KCMF1: variants seen among roughly 807,000 people sequenced by gnomAD.
The protein encoded by KCMF1 is E3 ubiquitin-protein ligase KCMF1.
KCMF1 carries 3 observed loss-of-function variants against 41.1 expected under a neutral mutation model. That is an observed-to-expected ratio of 0.07 (90% CI 0.03 to 0.19). KCMF1 has a LOEUF of 0.19. Ranked by LOEUF, KCMF1 falls within the 10% of genes least tolerant of loss-of-function variation. The pLI is 1.00. For missense variants in KCMF1, 286 were observed against 488.9 expected (o/e 0.58, Z 3.91); for synonymous variants, 142 against 164.5 (o/e 0.86, Z 1.04).
At chr2:84,986,266 TG>T (rs1338666480) in intron 1 of KCMF1, among the ~76,000 whole-genome samples, 1 of 152,164 alleles carries the variant, frequency 6.6e-6, no homozygotes, top group East Asian at 1.9e-4. Flanking sequence ...AAATAACCCT[TG>T]TATGACTGGG....
chr2:85,008,245 ATGATATATAT>A (rs1256200875), intron 1 of KCMF1, among the ~76,000 whole-genome samples: 1,267 of 115,032 alleles, frequency 0.011, 21 homozygotes, highest in African/African-American at 0.038. Flanking sequence ...TATATTATAT[ATGATATATAT>A]TATATATCAT....
chr2:84,972,421 T>C (rs1361291722), intron 1 of KCMF1, among the ~76,000 whole-genome samples: 1 of 152,244 alleles, frequency 6.6e-6, no homozygotes, highest in Non-Finnish European at 1.5e-5. Context: ...CTTTAATTTA[T>C]TGCCATATGG....
At chr2:84,972,789 G>A (rs1255098952) in intron 1 of KCMF1, among the ~76,000 whole-genome samples, 1 of 152,152 alleles carries the variant, frequency 6.6e-6, no homozygotes, top group Non-Finnish European at 1.5e-5. Flanking sequence ...AACATTCTGT[G>A]TTCAACGATT....
At chr2:84,975,573 C>G (rs1673524299) in intron 1 of KCMF1, among the ~76,000 whole-genome samples, 1 of 152,166 alleles carries the variant, frequency 6.6e-6, no homozygotes, top group Non-Finnish European at 1.5e-5. Context: ...TAATACTTTT[C>G]CAGTGAGAAT....
Position 85,058,231 on chromosome 2 carries a change from A to T in KCMF1, c.*4822A>T, listed in dbSNP as rs539460957. The stretch of plus-strand genomic sequence containing the variant: ...AACCCCATCTCTACTAAAAATACGA[A>T]AATTAGCTGGGCTTGGTGGCAGATG... On this transcript the variant is annotated 3_prime_UTR_variant, in exon 7 of 7. Transcript: ENST00000409785. 6.6e-6 allele frequency: 1 copy of T among 152,278 alleles called. No individual in the cohort carries two copies. The highest frequency in any genetic ancestry group is 2.4e-5 in the African/African-American group (1 of 41,538). The allele number at this position is 152,278 out of a possible 1,614,324, so 9.4% of individuals were successfully genotyped here.
At chr2:85,047,573 G>A (rs1309202655) in intron 5 of KCMF1, among the ~76,000 whole-genome samples, 1 of 145,908 alleles carries the variant, frequency 6.9e-6, no homozygotes, top group Non-Finnish European at 1.5e-5. Context: ...AAAGGTACAT[G>A]TTTAATAGCT....
intron 1 of KCMF1, among the ~76,000 whole-genome samples, chr2:85,019,923 T>C (rs1255443765): frequency 6.6e-6 from 1 of 151,948 alleles, no homozygotes; most frequent in Non-Finnish European, 1.5e-5. Flanking sequence ...ATTACAGAAA[T>C]GATTTTATCA....
At position 85,054,419 on chromosome 2, in the gene KCMF1, T is replaced by C. The variant is rs1218471639; in HGVS notation, c.*1010T>C. 3 of 152,214 alleles carry C rather than the reference T, an allele frequency of 2.0e-5. No homozygotes were observed. The highest frequency in any genetic ancestry group is 7.2e-5 in the African/African-American group (3 of 41,458). 9.4% of individuals were successfully genotyped at this position (152,214 alleles called of 1,614,324 possible). A position where few individuals can be genotyped will look rare whatever the true frequency, so the allele number is the denominator to read the frequency against. On this transcript the variant is annotated 3_prime_UTR_variant, in exon 7 of 7. Coordinates refer to ENST00000409785, the MANE Select transcript of KCMF1 (RefSeq NM_020122.5). ...TTGAGGATTTGCCTTCCCAGATTTGTCAGTATATTACAACCAAATTCTTAA... is the reference window on the plus strand; with the variant it reads ...TTGAGGATTTGCCTTCCCAGATTTGCCAGTATATTACAACCAAATTCTTAA...
intron 5 of KCMF1, among the ~76,000 whole-genome samples, chr2:85,047,587 G>GA (rs1451134062): frequency 7.0e-6 from 1 of 143,838 alleles, no homozygotes; most frequent in East Asian, 2.1e-4. Context: ...AATAGCTTGG[G>GA]AAAAATCTTA....
chr2:84,984,574 A>G (rs2103969966), intron 1 of KCMF1, among the ~76,000 whole-genome samples: 1 of 152,214 alleles, frequency 6.6e-6, no homozygotes, highest in African/African-American at 2.4e-5. Flanking sequence ...TAATCCCAGC[A>G]CTTTGGGAGG....
intron 1 of KCMF1, among the ~76,000 whole-genome samples, chr2:85,025,896 A>G (rs1368333625): frequency 6.6e-6 from 1 of 152,126 alleles, no homozygotes; most frequent in Non-Finnish European, 1.5e-5. Context: ...TACTGCTTCT[A>G]ATAACTTAGC....
intron 1 of KCMF1, among the ~76,000 whole-genome samples, chr2:85,018,244 A>G (rs1190076821): frequency 2.0e-5 from 3 of 149,576 alleles, no homozygotes; most frequent in Non-Finnish European, 4.4e-5. Flanking sequence ...GAACTTCTTT[A>G]TGACACAGTA....
intron 1 of KCMF1, among the ~76,000 whole-genome samples, chr2:84,981,221 A>G (rs1169417958): frequency 4.7e-5 from 7 of 147,572 alleles, no homozygotes; most frequent in South Asian, 4.3e-4. Context: ...ACAGAGTCTC[A>G]CTCTGTTGCC....
At chr2:84,980,502 C>T (rs981901967) in intron 1 of KCMF1, among the ~76,000 whole-genome samples, 7 of 152,234 alleles carry the variant, frequency 4.6e-5, no homozygotes, top group African/African-American at 1.7e-4. Context: ...CTCTCTGCTA[C>T]ATCCCTGATG....
intron 2 of KCMF1, among the ~76,000 whole-genome samples, chr2:85,030,933 A>G (rs570677214): frequency 6.6e-6 from 1 of 152,270 alleles, no homozygotes; most frequent in South Asian, 2.1e-4. Flanking sequence ...CTGAGCTCAA[A>G]GTGATCTGCC....
intron 1 of KCMF1, among the ~76,000 whole-genome samples, chr2:84,976,203 C>CTT (rs1559123467): frequency 6.7e-6 from 1 of 149,174 alleles, no homozygotes. Context: ...CTTCTTAACT[C>CTT]CTTTTTTTTT....
rs773727441 is a variant in KCMF1 at position 85,053,402 on chromosome 2, C to T, written c.1139C>T (p.Pro380Leu). The T allele has an allele frequency of 1.0e-4, 164 of 1,611,362 alleles. 1 individual carries two copies. Among genetic ancestry groups the T allele is most frequent in the Admixed American group, 1.0e-4 (6 of 59,660 alleles). Residue 380 changes from proline to leucine, a missense_variant, in exon 7 of 7, where the codon CCT becomes CTT. By Grantham distance (98) the Pro-to-Leu change is moderately conservative. Coordinates refer to ENST00000409785, the MANE Select transcript of KCMF1 (RefSeq NM_020122.5). ...AAAGGAAATGAGCCTCCACCACCTC[C>T]TCTTTGATGACATCCCAATTCGCAG... ...SNKGNEPPPP[P>L]L
intron 1 of KCMF1, among the ~76,000 whole-genome samples, chr2:84,988,892 C>T (rs1205796584): frequency 6.6e-6 from 1 of 152,206 alleles, no homozygotes; most frequent in East Asian, 1.9e-4. Context: ...AGTATGAAAG[C>T]AGCCATGAGA....
chr2:84,995,124 C>T lies in KCMF1; in HGVS notation c.16+23657C>T, dbSNP rs556975263. Among the ~76,000 whole-genome samples the T allele has an allele frequency of 3.3e-5, 5 of 151,960 alleles. No homozygotes were observed. In the East Asian group the frequency reaches 9.7e-4, roughly 29 times the overall value. Reference sequence around the variant, plus strand: ...ACAACCTCCGCCTCCTGGGTTCAAGCAATTCTCCTGCCTCAGCCTTCTGAG... The same window carrying T: ...ACAACCTCCGCCTCCTGGGTTCAAGTAATTCTCCTGCCTCAGCCTTCTGAG... On this transcript the variant is annotated intron_variant, in intron 1 of 6. Coordinates refer to ENST00000409785, the MANE Select transcript of KCMF1 (RefSeq NM_020122.5).
Sources: gnomAD v4.1 joint callset for allele counts (sites outside exome capture counted in the v4.1 genomes callset) on GRCh38, gnomAD v4.1.1 for gene constraint, MANE v1.5 for transcripts, NCBI Gene and HGNC (gene_info 2026-07-23, HGNC 2026-07-21) for gene names.